The following TMEM132D variants were observed in gnomAD, a reference collection of about 807,000 sequenced individuals.
The protein encoded by TMEM132D is transmembrane protein 132D.
TMEM132D carries 21 observed loss-of-function variants against 62.3 expected under a neutral mutation model. The ratio of observed to expected loss-of-function variants is 0.34; its 90% CI spans 0.24 to 0.49. The LOEUF (loss-of-function observed/expected upper bound fraction) is 0.49, where lower values mean the gene tolerates loss of function less well. Ranked by LOEUF, TMEM132D falls within the 20% of genes least tolerant of loss-of-function variation. The probability of loss-of-function intolerance (pLI) is 0.99; values close to 1 mark genes in which losing one functional copy is unlikely to be tolerated. For synonymous variants in TMEM132D, 621 were observed against 575.6 expected (o/e 1.08, Z -1.13); for missense variants, 1,346 against 1,402.8 (o/e 0.96, Z 0.65).
intron 3 of TMEM132D, among the ~76,000 whole-genome samples, chr12:129,515,845 G>C (rs967866654): frequency 6.6e-6 from 1 of 152,068 alleles, no homozygotes; most frequent in Non-Finnish European, 1.5e-5. Context: ...GTTTTCCCTG[G>C]GTCTTTGGAT....
intron 1 of TMEM132D, among the ~76,000 whole-genome samples, chr12:129,720,594 G>T (rs2398471): frequency 0.51 from 78,086 of 151,698 alleles, 20,474 homozygotes; most frequent in Middle Eastern, 0.62. Flanking sequence ...GCCGTGGCTG[G>T]GCCGTCTAGG....
intron 4 of TMEM132D, among the ~76,000 whole-genome samples, chr12:129,311,680 C>T (rs909812089): frequency 2.6e-5 from 4 of 152,200 alleles, no homozygotes; most frequent in Middle Eastern, 6.8e-3. Context: ...GGTGGTGGGG[C>T]GACACTGATT....
intron 1 of TMEM132D, among the ~76,000 whole-genome samples, chr12:129,870,369 C>A (rs895319279): frequency 3.9e-5 from 6 of 152,146 alleles, no homozygotes; most frequent in African/African-American, 7.2e-5. Context: ...AAAGACCATG[C>A]ATGGGTTTAC....
At position 129,448,558 on chromosome 12, in the gene TMEM132D, C is replaced by T. The variant is rs574966352; in HGVS notation, c.1115+82501G>A. Among the ~76,000 whole-genome samples the T allele has an allele frequency of 3.9e-5, 6 of 152,276 alleles. No individual in the cohort carries two copies. The East Asian group carries it at 5.8e-4, about 15-fold the overall frequency. On this transcript the variant is annotated intron_variant, in intron 3 of 8. Transcript: ENST00000422113. ...ATGTTGCTGCAAAGGACTTGATTCT[C>T]GTTCTTTTTCAAAGCTGCATGGTAT...
At chr12:129,173,860 C>T (rs1226369233) in intron 5 of TMEM132D, among the ~76,000 whole-genome samples, 9 of 152,068 alleles carry the variant, frequency 5.9e-5, no homozygotes, top group East Asian at 1.9e-4. Flanking sequence ...TTTAACAATC[C>T]GCATGTGCTG....
At chr12:129,572,292 G>C (rs1055897450) in intron 2 of TMEM132D, among the ~76,000 whole-genome samples, 2 of 152,220 alleles carry the variant, frequency 1.3e-5, no homozygotes, top group African/African-American at 4.8e-5. Flanking sequence ...CCTTGACGCC[G>C]CCTGTTGAAT....
chr12:129,129,274 G>A lies in TMEM132D; in HGVS notation c.1444-44572C>T, dbSNP rs1876301812. ...TTCTGATTCACTGATAGTTCACTTA[G>A]GATAATGGCTTCCAGCTGCATCCAC... On this transcript the variant is annotated intron_variant, in intron 5 of 8. Transcript: ENST00000422113. Among the ~76,000 whole-genome samples the A allele has an allele frequency of 2.6e-5, 4 of 152,078 alleles. No individual in the cohort carries two copies. In the South Asian group the frequency reaches 8.3e-4, roughly 31 times the overall value.
intron 1 of TMEM132D, among the ~76,000 whole-genome samples, chr12:129,809,324 A>T (rs199981017): frequency 0.028 from 3,513 of 126,236 alleles, 109 homozygotes; most frequent in East Asian, 0.13. Context: ...AAAAAAAAAA[A>T]TTTTTTTTTG....
At chr12:129,842,044 C>T (rs1018779005) in intron 1 of TMEM132D, among the ~76,000 whole-genome samples, 20 of 150,640 alleles carry the variant, frequency 1.3e-4, no homozygotes, top group African/African-American at 4.6e-4. Context: ...CATTCTCCTG[C>T]CTCAGCCTCC....
chr12:129,294,422 A>G (rs570364734), intron 4 of TMEM132D, among the ~76,000 whole-genome samples: 5 of 152,336 alleles, frequency 3.3e-5, no homozygotes, highest in East Asian at 1.9e-4. Flanking sequence ...GAATCTCACC[A>G]TCATATATGA....
chr12:129,562,618 A>G (rs1227482808), intron 2 of TMEM132D, among the ~76,000 whole-genome samples: 1 of 152,098 alleles, frequency 6.6e-6, no homozygotes, highest in East Asian at 1.9e-4. Context: ...ATGTCTCTGA[A>G]CCTCAATTTT....
chr12:129,774,961 G>A (rs1015028867), intron 1 of TMEM132D, among the ~76,000 whole-genome samples: 1 of 152,182 alleles, frequency 6.6e-6, no homozygotes, highest in African/African-American at 2.4e-5. Context: ...GATTCAGTAA[G>A]TGTGGACAAA....
At chr12:129,156,794 T>A (rs986229965) in intron 5 of TMEM132D, among the ~76,000 whole-genome samples, 4 of 152,150 alleles carry the variant, frequency 2.6e-5, no homozygotes, top group African/African-American at 4.8e-5. Context: ...ACTCCCATGA[T>A]AACTCACTCT....
intron 4 of TMEM132D, among the ~76,000 whole-genome samples, chr12:129,211,331 C>T (rs559128663): frequency 6.6e-6 from 1 of 152,286 alleles, no homozygotes; most frequent in Admixed American, 6.5e-5. Context: ...TAGGGTGGAT[C>T]TAAAACAATT....
intron 5 of TMEM132D, among the ~76,000 whole-genome samples, chr12:129,145,128 C>A (rs1192248126): frequency 2.6e-5 from 4 of 152,180 alleles, no homozygotes; most frequent in African/African-American, 9.7e-5. Flanking sequence ...TATAAACACA[C>A]ATAATTAAAA....
chr12:129,373,634 C>G (rs1839651110), intron 3 of TMEM132D, among the ~76,000 whole-genome samples: 1 of 151,496 alleles, frequency 6.6e-6, no homozygotes, highest in Non-Finnish European at 1.5e-5. Flanking sequence ...TTGTCTCAAA[C>G]AAACAAAACA....
At chr12:129,321,863 C>T (rs1479145576) in intron 4 of TMEM132D, among the ~76,000 whole-genome samples, 1 of 152,244 alleles carries the variant, frequency 6.6e-6, no homozygotes, top group Non-Finnish European at 1.5e-5. Flanking sequence ...CCGGCCGAGG[C>T]AGACCTTTTC....
In TMEM132D at chr12:129,221,020, C is replaced by G. The variant is rs574134180; in HGVS notation, c.1300-11357G>C. ...CAGGTGAATTCCAGTTTACAGAGGA[C>G]AAAGGAATGCTCCGAGAATATGCCA... On this transcript the variant is annotated intron_variant, in intron 4 of 8. Coordinates refer to ENST00000422113, the MANE Select transcript of TMEM132D (RefSeq NM_133448.3). 3.9e-5 allele frequency among the ~76,000 whole-genome samples: 6 copies of G among 152,242 alleles called. No individual in the cohort carries two copies. In the East Asian group the frequency reaches 1.2e-3, roughly 29 times the overall value.
rs540652732 is a variant in TMEM132D, at chr12:129,071,772, A to G, written c.*2103T>C. 3.9e-5 allele frequency: 6 copies of G among 152,372 alleles called. No homozygotes were observed. Among genetic ancestry groups the G allele is most frequent in the Middle Eastern group, 3.4e-3 (1 of 294 alleles). 9.4% of individuals were successfully genotyped at this position (152,372 alleles called of 1,614,324 possible). ...ATTTACAGTCAGTAAGTTTATAAAT[A>G]TATATTACATTCTTACAATCTACAG... On this transcript the variant is annotated 3_prime_UTR_variant, in exon 9 of 9. Coordinates refer to ENST00000422113, the MANE Select transcript of TMEM132D (RefSeq NM_133448.3).
Sources: gnomAD v4.1 joint callset for allele counts (sites outside exome capture counted in the v4.1 genomes callset) on GRCh38, gnomAD v4.1.1 for gene constraint, MANE v1.5 for transcripts, NCBI Gene and HGNC (gene_info 2026-07-23, HGNC 2026-07-21) for gene names.